The following ULK2 variants were observed in gnomAD, a reference collection of about 807,000 sequenced individuals.
The protein encoded by ULK2 is unc-51 like autophagy activating kinase 2.
ULK2 carries 76 observed loss-of-function variants against 127.5 expected under a neutral mutation model. The ratio of observed to expected loss-of-function variants is 0.60; its 90% CI spans 0.50 to 0.72. The LOEUF (loss-of-function observed/expected upper bound fraction) is 0.72. ULK2 is among the 30% of genes least tolerant of loss of function. The probability of loss-of-function intolerance (pLI) is 0.00; values close to 1 mark genes in which losing one functional copy is unlikely to be tolerated. For missense variants in ULK2, 1,144 were observed against 1,295.9 expected (o/e 0.88, Z 1.80); for synonymous variants, 452 against 461.9 (o/e 0.98, Z 0.28).
chr17:19,810,762 C>G (rs975590799), intron 13 of ULK2: 1 of 201,670 alleles, frequency 5.0e-6, no homozygotes, highest in Admixed American at 5.9e-5. Context: ...GTTCCTTTTT[C>G]TGTGTCAATG....
intron 5 of ULK2, among the ~76,000 whole-genome samples, chr17:19,847,554 A>G (rs1205445154): frequency 6.6e-6 from 1 of 151,880 alleles, no homozygotes; most frequent in East Asian, 1.9e-4. Flanking sequence ...TATTCCGTAA[A>G]TATTTTTTTT....
Position 19,867,439 on chromosome 17 carries a change from AGCGGACGG to A in ULK2, c.-30_-23del. On this transcript the variant is annotated 5_prime_UTR_variant, in exon 1 of 27. Transcript: ENST00000395544. ...CCATGGCCGCGCCCCCGGGGCACAC[AGCGGACGG>A]GCGGGCGGCGCAGTGCGGCGCAGGT... The A allele has an allele frequency of 6.3e-7, 1 of 1,581,482 alleles. No homozygotes were observed. Among genetic ancestry groups the A allele is most frequent in the Non-Finnish European group, 8.6e-7 (1 of 1,165,938 alleles).
chr17:19,829,982 G>C (rs2041398626), intron 10 of ULK2, among the ~76,000 whole-genome samples: 4 of 152,016 alleles, frequency 2.6e-5, no homozygotes, highest in Admixed American at 6.6e-5. Flanking sequence ...TACAATAATA[G>C]TTGGAGACTT....
intron 26 of ULK2, among the ~76,000 whole-genome samples, chr17:19,776,683 C>T (rs181760428): frequency 2.0e-5 from 3 of 152,260 alleles, no homozygotes; most frequent in Non-Finnish European, 4.4e-5. Flanking sequence ...GGACCACATA[C>T]ACTCCAACCA....
chr17:19,829,415 T>C (rs1243816262), intron 10 of ULK2, among the ~76,000 whole-genome samples: 2 of 151,594 alleles, frequency 1.3e-5, no homozygotes, highest in Non-Finnish European at 2.9e-5. Flanking sequence ...TTTGCACCTG[T>C]AGTCCCAGCT....
intron 16 of ULK2, among the ~76,000 whole-genome samples, chr17:19,801,044 C>T (rs1401276347): frequency 6.6e-6 from 1 of 152,100 alleles, no homozygotes; most frequent in Admixed American, 6.5e-5. Flanking sequence ...AACAAAGCTG[C>T]CACCACATGC....
At chr17:19,827,642 T>C (rs1380820959) in intron 10 of ULK2, among the ~76,000 whole-genome samples, 1 of 152,242 alleles carries the variant, frequency 6.6e-6, no homozygotes, top group Non-Finnish European at 1.5e-5. Context: ...CCGGGCGTGG[T>C]GGCTCACGCC....
chr17:19,777,372 T>C (rs888417314), intron 26 of ULK2, among the ~76,000 whole-genome samples: 7 of 152,230 alleles, frequency 4.6e-5, no homozygotes. Context: ...CCCAAAGTGC[T>C]GGGATTACAG....
intron 22 of ULK2, 94 bp from the exon 23 acceptor site, chr17:19,782,161 CTATACT>C: frequency 8.0e-7 from 1 of 1,251,682 alleles, no homozygotes; most frequent in Non-Finnish European, 1.1e-6. Flanking sequence ...ATCATGTTTT[CTATACT>C]TATGAGTATC....
chr17:19,864,785 A>C lies in ULK2; in HGVS notation c.225+18T>G, dbSNP rs1403581334. 1 of 1,203,778 alleles carries C rather than the reference A, an allele frequency of 8.3e-7. No individual in the cohort carries two copies. Among genetic ancestry groups the C allele is most frequent in the Non-Finnish European group, 1.1e-6 (1 of 917,520 alleles). 74.6% of individuals were successfully genotyped at this position (1,203,778 alleles called of 1,614,324 possible). Reference sequence around the variant, plus strand: ...AAAAAATTTATTTTAATTTTTAAAAATTTTCAAAATAAGGTACCTGAACAT... The same window carrying C: ...AAAAAATTTATTTTAATTTTTAAAACTTTTCAAAATAAGGTACCTGAACAT... On this transcript the variant is annotated intron_variant, in intron 3 of 26. Transcript: ENST00000395544.
intron 1 of ULK2, 84 bp downstream of exon 1, chr17:19,867,244 C>CG: frequency 8.7e-7 from 1 of 1,152,228 alleles, no homozygotes; most frequent in Non-Finnish European, 1.2e-6. Context: ...TCGGGGGTCT[C>CG]GGCTCGCGGC....
chr17:19,863,505 T>G (rs533331976), intron 3 of ULK2, among the ~76,000 whole-genome samples: 34 of 151,290 alleles, frequency 2.2e-4, no homozygotes, highest in African/African-American at 6.8e-4. Context: ...AGTTTTTTTT[T>G]TTTTTTTTTT....
chr17:19,805,515 C>G (rs1479805508), intron 14 of ULK2, among the ~76,000 whole-genome samples: 2 of 152,150 alleles, frequency 1.3e-5, no homozygotes, highest in Admixed American at 1.3e-4. Context: ...ATACAAAACA[C>G]TTTTGTAGTG....
At chr17:19,791,080 C>T (rs1465233209) in intron 20 of ULK2, among the ~76,000 whole-genome samples, 1 of 152,172 alleles carries the variant, frequency 6.6e-6, no homozygotes, top group Non-Finnish European at 1.5e-5. Flanking sequence ...TCCACTTTCA[C>T]CCTTGGATAG....
rs190805346 is a variant in ULK2, at chr17:19,776,614, C to T, written c.3053-207G>A. 2.0e-4 allele frequency among the ~76,000 whole-genome samples: 30 copies of T among 152,246 alleles called. No individual in the cohort carries two copies. In the East Asian group the frequency reaches 4.6e-3, roughly 24 times the overall value. On this transcript the variant is annotated intron_variant, in intron 26 of 26. Transcript: ENST00000395544. ...GCTAGCTTGCTACATAACTAGCTTG[C>T]TCATAACTGCAAATACTCTTAGAAC...
At chr17:19,829,549 G>GC (rs915167180) in intron 10 of ULK2, among the ~76,000 whole-genome samples, 1 of 12,486 alleles carries the variant, frequency 8.0e-5, no homozygotes, top group Non-Finnish European at 1.7e-4. Context: ...AAAAAAAAAA[G>GC]GGGGGGGGCT....
Position 19,845,352 on chromosome 17 carries a change from T to C in ULK2, c.495A>G (p.Leu165=), listed in dbSNP as rs1230459628. 8 of 1,614,010 alleles carry C rather than the reference T, an allele frequency of 5.0e-6. No individual in the cohort carries two copies. The highest frequency in any genetic ancestry group is 2.7e-5 in the African/African-American group (2 of 75,058). ...KIADFGFARY[L]HSNMMAATLC... ...GTGTTGCAGCCATCATGTTACTATG[T>C]AGGTAACGAGCAAAACCAAAATCCG... Residue 165 remains leucine, a synonymous_variant, in exon 7 of 27, where the codon CTA becomes CTG. Transcript: ENST00000395544.
At chr17:19,791,198 C>T (rs111731243) in intron 20 of ULK2, among the ~76,000 whole-genome samples, 4,670 of 152,280 alleles carry the variant, frequency 0.031, 224 homozygotes, top group African/African-American at 0.11. Context: ...ATATACATTC[C>T]TCTCAGCTTA....
At chr17:19,866,989 A>C (rs1438156676) in intron 1 of ULK2, among the ~76,000 whole-genome samples, 3 of 152,092 alleles carry the variant, frequency 2.0e-5, no homozygotes, top group Non-Finnish European at 4.4e-5. Context: ...CCAAAGGTCC[A>C]TTCACGCCCA....
Sources: allele counts gnomAD v4.1 joint callset (sites outside exome capture counted in the v4.1 genomes callset), GRCh38; gene constraint gnomAD v4.1.1; transcripts MANE v1.5; gene names NCBI Gene and HGNC (gene_info 2026-07-23, HGNC 2026-07-21).